Variants in RECK observed in about 807,000 individuals in gnomAD.
RECK encodes the protein reversion-inducing cysteine-rich protein with Kazal motifs.
Under a neutral mutation model 115.1 loss-of-function variants are expected in RECK, and 69 were observed. That is an observed-to-expected ratio of 0.60 (90% CI 0.49 to 0.73). RECK has a LOEUF of 0.73. Among genes scored for constraint, RECK ranks in the 30% least tolerant of loss-of-function variants. The pLI, the probability that RECK is intolerant of heterozygous loss-of-function variation, is 0.00. For synonymous variants in RECK, 414 were observed against 419.7 expected (o/e 0.99, Z 0.17); for missense variants, 1,047 against 1,203.7 (o/e 0.87, Z 1.93).
At chr9:36,051,832 C>T (rs1439844271) in intron 1 of RECK, among the ~76,000 whole-genome samples, 1 of 152,138 alleles carries the variant, frequency 6.6e-6, no homozygotes, top group Non-Finnish European at 1.5e-5. Context: ...GAATTTCCAT[C>T]AGGATATTCT....
rs76447534 is a variant in RECK at position 36,057,086 on chromosome 9, C to T, written c.160-1741C>T. 4.4e-3 allele frequency: 4,007 copies of T among 907,952 alleles called. 80 individuals are homozygous for T. The East Asian group carries it at 0.061, about 14-fold the overall frequency. The allele number at this position is 907,952 out of a possible 1,614,324, so 56.2% of individuals were successfully genotyped here. A position where few individuals can be genotyped will look rare whatever the true frequency, so the allele number is the denominator to read the frequency against. ...GAAACACCAAATTGTAATTGCATAA[C>T]GTCCTATTTGGAAGTGAGCCATTTG... is the stretch of plus-strand genomic sequence containing the variant. On this transcript the variant is annotated intron_variant, in intron 2 of 20. Coordinates refer to ENST00000377966, the MANE Select transcript of RECK (RefSeq NM_021111.3).
In RECK at chr9:36,104,310, ATATATATATATATATATTTTTTTTTTTTT is replaced by A. The variant is rs1564130791; in HGVS notation, c.1436-831_1436-803del. ...TGTGTGTGTATATATATATATATAT[ATATATATATATATATATTTTTTTTTTTTT>A]TTTTTTTTTTTTTTTTTTTTTTTTG... is the stretch of plus-strand genomic sequence containing the variant. On this transcript the variant is annotated intron_variant, in intron 12 of 20. Coordinates refer to ENST00000377966, the MANE Select transcript of RECK (RefSeq NM_021111.3). Among the ~76,000 whole-genome samples the A allele has an allele frequency of 9.0e-4, 53 of 59,102 alleles. 1 individual carries two copies. The East Asian group carries it at 0.012, about 14-fold the overall frequency. 38.8% of individuals were successfully genotyped at this position (59,102 alleles called of 152,430 possible).
intron 10 of RECK, among the ~76,000 whole-genome samples, chr9:36,092,242 G>A (rs1415312696): frequency 2.0e-5 from 3 of 152,124 alleles, no homozygotes; most frequent in Admixed American, 1.3e-4. Context: ...TCTGGCTTCT[G>A]GTAATTGTGG....
chr9:36,082,152 T>TCTCTCTCTCTCTCTC (rs1822728438), intron 7 of RECK, among the ~76,000 whole-genome samples: 4 of 113,646 alleles, frequency 3.5e-5, no homozygotes, highest in Admixed American at 9.3e-5. Context: ...CCTCCCTGCT[T>TCTCTCTCTCTCTCTC]TCTCTCTCTC....
intron 8 of RECK, among the ~76,000 whole-genome samples, chr9:36,087,324 A>C (rs1025771915): frequency 2.0e-5 from 3 of 152,254 alleles, no homozygotes; most frequent in Non-Finnish European, 4.4e-5. Flanking sequence ...AAAAAGGATG[A>C]GTTCATGTCC....
At chr9:36,087,164 C>T (rs182556866) in intron 8 of RECK, among the ~76,000 whole-genome samples, 1 of 148,748 alleles carries the variant, frequency 6.7e-6, no homozygotes, top group Non-Finnish European at 1.5e-5. Flanking sequence ...CAGAGCATGA[C>T]AAAAAAAGAA....
Position 36,117,154 on chromosome 9 carries a change from C to G in RECK, c.2230C>G (p.Leu744Val). The change falls in exon 17 of 21, where the codon CTC becomes GTC. Residue 744 changes from leucine to valine, a missense_variant. Leu to Val is a conservative substitution (Grantham distance 32). Coordinates refer to ENST00000377966, the MANE Select transcript of RECK (RefSeq NM_021111.3). ...CACTTTATACCAAAGAGGAAAAAGC[C>G]TCTCTTACAAAGGTCCCTGCCAGGT... ...LCTLYQRGKS[L>V]SYKGPCQPFC... 1 of 1,612,526 alleles carries G rather than the reference C, an allele frequency of 6.2e-7. No homozygotes were observed. The highest frequency in any genetic ancestry group is 1.1e-5 in the South Asian group (1 of 90,928).
chr9:36,037,210 C>T, intron 1 of RECK, 112 bp downstream of exon 1: 2 of 626,842 alleles, frequency 3.2e-6, no homozygotes, highest in South Asian at 7.4e-5. Context: ...ACCCTGCCCA[C>T]GTCCGGCGAC....
intron 2 of RECK, among the ~76,000 whole-genome samples, chr9:36,052,773 T>C (rs1821358068): frequency 6.6e-6 from 1 of 152,190 alleles, no homozygotes; most frequent in Non-Finnish European, 1.5e-5. Context: ...AAGAAACTGT[T>C]ACAGATTAAA....
intron 9 of RECK, among the ~76,000 whole-genome samples, chr9:36,088,394 G>A (rs1823044908): frequency 6.6e-6 from 1 of 152,134 alleles, no homozygotes; most frequent in African/African-American, 2.4e-5. Context: ...TTAGGTGGTA[G>A]CATATTGGCA....
At chr9:36,087,985 CA>C (rs781032120) in intron 9 of RECK, 24 bp downstream of exon 9, 1 of 1,567,010 alleles carries the variant, frequency 6.4e-7, no homozygotes. Context: ...TTTCCTTTAC[CA>C]AAATCAGTAG....
intron 1 of RECK, among the ~76,000 whole-genome samples, chr9:36,038,633 TTATTA>T (rs1820757837): frequency 6.6e-6 from 1 of 152,190 alleles, no homozygotes; most frequent in Non-Finnish European, 1.5e-5. Context: ...CTCACAGATT[TTATTA>T]TGAGAATCGA....
At chr9:36,081,929 G>A (rs1479930304) in intron 7 of RECK, among the ~76,000 whole-genome samples, 6 of 152,096 alleles carry the variant, frequency 3.9e-5, no homozygotes, top group Non-Finnish European at 8.8e-5. Flanking sequence ...AAAAGAGGCG[G>A]TACAGTAGGT....
chr9:36,053,609 T>C (rs1821395791), intron 2 of RECK, among the ~76,000 whole-genome samples: 1 of 152,136 alleles, frequency 6.6e-6, no homozygotes, highest in Admixed American at 6.5e-5. Flanking sequence ...CTTGATGATA[T>C]CATAAGGAAG....
intron 10 of RECK, among the ~76,000 whole-genome samples, chr9:36,091,946 A>AG (rs1267228532): frequency 1.3e-5 from 2 of 152,246 alleles, no homozygotes; most frequent in African/African-American, 4.8e-5. Context: ...GAGTTACTAA[A>AG]GAAGAGGTGG....
chr9:36,102,306 T>C, intron 12 of RECK, 76 bp downstream of exon 12: 1 of 1,292,194 alleles, frequency 7.7e-7, no homozygotes, highest in South Asian at 1.4e-5. Context: ...ACTATTTGTT[T>C]TGGATGAGCA....
Position 36,112,309 on chromosome 9 carries a change from G to C in RECK, c.1893G>C (p.Leu631=). Residue 631 remains leucine (L), a synonymous_variant, in exon 16 of 21, where the codon CTG becomes CTC. Coordinates refer to ENST00000377966, the MANE Select transcript of RECK (RefSeq NM_021111.3). ...GAGGCTGTTTCCTCTCCTCAGGTCT[G>C]CCCTGTAACTGTGCAGATCAGTTTG... ...SEDDRRTFTG[L]PCNCADQFVP... The C allele has an allele frequency of 1.2e-6, 2 of 1,612,978 alleles. No homozygotes were observed. Among genetic ancestry groups the C allele is most frequent in the East Asian group, 2.2e-5 (1 of 44,878 alleles).
chr9:36,069,660 G>C (rs1588292712), intron 6 of RECK, among the ~76,000 whole-genome samples: 1 of 152,100 alleles, frequency 6.6e-6, no homozygotes, highest in Non-Finnish European at 1.5e-5. Context: ...ACACAGAGGG[G>C]CATGGGGCTG....
intron 10 of RECK, among the ~76,000 whole-genome samples, chr9:36,096,882 T>C (rs74842776): frequency 0.021 from 3,151 of 151,706 alleles, 115 homozygotes; most frequent in African/African-American, 0.072. Flanking sequence ...AGTCATAGAC[T>C]TGAGAGGGAA....
Sources: gnomAD v4.1 joint callset for allele counts (sites outside exome capture counted in the v4.1 genomes callset) on GRCh38, gnomAD v4.1.1 for gene constraint, MANE v1.5 for transcripts, NCBI Gene and HGNC (gene_info 2026-07-23, HGNC 2026-07-21) for gene names.